The following AIRE variants were observed in gnomAD, a reference collection of about 807,000 sequenced individuals.
AIRE encodes autoimmune polyendocrinopathy candidiasis ectodermal dystrophy protein.
A neutral mutation model predicts 62.1 loss-of-function variants in AIRE; 52 were observed. That is an observed-to-expected ratio of 0.84 (90% confidence interval 0.67 to 1.06). The LOEUF (loss-of-function observed/expected upper bound fraction) is 1.06. Ranked by LOEUF, AIRE falls within the 50% of genes least tolerant of loss-of-function variation. The pLI, the probability that AIRE is intolerant of heterozygous loss-of-function variation, is 0.00. For synonymous variants in AIRE, 342 were observed against 321.6 expected, an observed-to-expected ratio of 1.06 and a Z score of -0.68; for missense variants, 774 against 755.8, an observed-to-expected ratio of 1.02 and a Z score of -0.28.
At chr21:44,294,018 C>G in intron 11 of AIRE, 108 bp downstream of exon 11, 1 of 1,403,748 alleles carries the variant, frequency 7.1e-7, no homozygotes, top group Non-Finnish European at 9.6e-7. Context: ...CCCACCCACA[C>G]CCCACACTCC....
rs933150 is a variant in AIRE, at chr21:44,292,705, G to A, written c.1096-288G>A. Among the ~76,000 whole-genome samples, 45,131 of 152,064 alleles carry A rather than the reference G, an allele frequency of 0.3. 6,821 individuals are homozygous for A. Among genetic ancestry groups the A allele is most frequent in the Admixed American group, 0.33 (5,071 of 15,300 alleles). On this transcript the variant is annotated intron_variant, in intron 9 of 13. Transcript: ENST00000291582. Reference sequence around the variant, plus strand: ...TGTTCCTTGTTCTGCTGCTGTGAGGGTAGTAGGTCTACTGTGCACAGACCC... The same window carrying A: ...TGTTCCTTGTTCTGCTGCTGTGAGGATAGTAGGTCTACTGTGCACAGACCC...
Position 44,292,850 on chromosome 21 carries a change from C to T in AIRE, c.1096-143C>T, listed in dbSNP as rs2040556814. ...TCCCACTCAGTGTGGACGCCTTCCA[C>T]CATGCCAGCCCTCCGCCCCCACCAT... On this transcript the variant is annotated intron_variant, in intron 9 of 13. Coordinates refer to ENST00000291582, the MANE Select transcript of AIRE (RefSeq NM_000383.4). The T allele has an allele frequency of 5.7e-6, 4 of 700,280 alleles. No homozygotes were observed. In the African/African-American group the frequency reaches 7.0e-5, roughly 12 times the overall value. The allele number at this position is 700,280 out of a possible 1,614,324, so 43.4% of individuals were successfully genotyped here. A position where few individuals can be genotyped will look rare whatever the true frequency, so the allele number is the denominator to read the frequency against.
chr21:44,286,150 G>T lies in AIRE; in HGVS notation c.132+12G>T. ...AGGACAAGTTTCAGGTGGGCTCCCCGCCCGCCCCCCGCTGCCCCCAGGCCC... is the reference window on the plus strand; with the variant it reads ...AGGACAAGTTTCAGGTGGGCTCCCCTCCCGCCCCCCGCTGCCCCCAGGCCC... On this transcript the variant is annotated intron_variant, in intron 1 of 13. Coordinates refer to ENST00000291582, the MANE Select transcript of AIRE (RefSeq NM_000383.4). This position sits in a 1 kb window ranked among gnomAD's most constrained non-coding sequence, Gnocchi z 6.0. The T allele has an allele frequency of 8.5e-7, 1 of 1,177,132 alleles. No homozygotes were observed. The highest frequency in any genetic ancestry group is 1.2e-6 in the Non-Finnish European group (1 of 852,222). The allele number at this position is 1,177,132 out of a possible 1,614,324, so 72.9% of individuals were successfully genotyped here. A position where few individuals can be genotyped will look rare whatever the true frequency, so the allele number is the denominator to read the frequency against.
rs758813866 is a variant in AIRE at position 44,297,758 on chromosome 21, G to A, written c.*31G>A. On this transcript the variant is annotated 3_prime_UTR_variant, in exon 14 of 14. Coordinates refer to ENST00000291582, the MANE Select transcript of AIRE (RefSeq NM_000383.4). This position sits in a 1 kb window ranked among gnomAD's most constrained non-coding sequence, Gnocchi z 4.8. Reference sequence around the variant, plus strand: ...GATGGCCGGGACATGCAGCTCTGATGAGAGAGTGCTGAGAAGGACACCTCC... The same window carrying A: ...GATGGCCGGGACATGCAGCTCTGATAAGAGAGTGCTGAGAAGGACACCTCC... The A allele has an allele frequency of 2.0e-5, 32 of 1,588,196 alleles. No homozygotes were observed. The highest frequency in any genetic ancestry group is 2.7e-5 in the Non-Finnish European group (31 of 1,158,506).
intron 13 of AIRE, among the ~76,000 whole-genome samples, 176 bp downstream of exon 13, chr21:44,296,621 C>T (rs538764574): frequency 4.4e-4 from 67 of 150,930 alleles, no homozygotes; most frequent in South Asian, 4.4e-3. Flanking sequence ...GCACCTGGCA[C>T]CCCCCACAGG....
Position 44,285,882 on chromosome 21 carries a change from A to T in AIRE, c.-125A>T. 1 of 973,158 alleles carries T rather than the reference A, an allele frequency of 1.0e-6. No individual in the cohort carries two copies. Among genetic ancestry groups the T allele is most frequent in the Non-Finnish European group, 1.4e-6 (1 of 719,710 alleles). 60.3% of individuals were successfully genotyped at this position (973,158 alleles called of 1,614,324 possible). A position where few individuals can be genotyped will look rare whatever the true frequency, so the allele number is the denominator to read the frequency against. On this transcript the variant is annotated 5_prime_UTR_variant, in exon 1 of 14. Coordinates refer to ENST00000291582, the MANE Select transcript of AIRE (RefSeq NM_000383.4). ...CGCGCGTGGCTCGCAGACCGGGGAG[A>T]CGGGCGGGCGCACAGCCGGCGCGGA... is the stretch of plus-strand genomic sequence containing the variant.
In AIRE at chr21:44,286,551, C is replaced by T. The variant is rs1235395731; in HGVS notation, c.133-6C>T. 4 of 1,607,208 alleles carry T rather than the reference C, an allele frequency of 2.5e-6. No homozygotes were observed. Among genetic ancestry groups the T allele is most frequent in the South Asian group, 1.1e-5 (1 of 90,916 alleles). On this transcript the variant is annotated splice_region_variant and splice_polypyrimidine_tract_variant and intron_variant, in intron 1 of 13. Coordinates refer to ENST00000291582, the MANE Select transcript of AIRE (RefSeq NM_000383.4). This position sits in a 1 kb window ranked among gnomAD's most constrained non-coding sequence, Gnocchi z 6.0. ...TGGCAGGGACCCTCATGCCACCCCA[C>T]TGCAGGAGACGCTTCATCTGAAGGA...
chr21:44,293,752 G>A lies in AIRE; in HGVS notation c.1279-37G>A, dbSNP rs145386437. ...GTTCGGGTTCAGCTACATTTCCCCC[G>A]GCCCCCCGCGTCACCCCGCGCTGTT... is the stretch of plus-strand genomic sequence containing the variant. On this transcript the variant is annotated intron_variant, in intron 10 of 13. Coordinates refer to ENST00000291582, the MANE Select transcript of AIRE (RefSeq NM_000383.4). 1.7e-3 allele frequency: 2,648 copies of A among 1,594,956 alleles called. 14 individuals are homozygous for A. In the African/African-American group the frequency reaches 0.019, roughly 11 times the overall value.
At chr21:44,290,231 T>C (rs1365580132) in intron 7 of AIRE, 163 bp downstream of exon 7, 3 of 984,298 alleles carry the variant, frequency 3.0e-6, no homozygotes, top group Non-Finnish European at 3.6e-6. Flanking sequence ...ATTTTTTTCC[T>C]GATAATACGC....
In AIRE at chr21:44,291,175, G is replaced by T; in HGVS notation, c.960G>T (p.Leu320=). Residue 320 remains leucine, a synonymous_variant, in exon 8 of 14, where the codon CTG becomes CTT. Transcript: ENST00000291582. The part of the protein sequence containing the change: ...CCDGCPRAFH[L]ACLSPPLREI... ...ACGGCTGCCCTCGGGCCTTCCACCT[G>T]GCCTGCCTGTCCCCTCCGCTCCGGG... 1 of 1,607,170 alleles carries T rather than the reference G, an allele frequency of 6.2e-7. No individual in the cohort carries two copies. Among genetic ancestry groups the T allele is most frequent in the Non-Finnish European group, 8.5e-7 (1 of 1,179,736 alleles).
At chr21:44,296,650 G>A (rs1386465945) in intron 13 of AIRE, among the ~76,000 whole-genome samples, 1 of 63,402 alleles carries the variant, frequency 1.6e-5, no homozygotes, top group Non-Finnish European at 3.4e-5. Flanking sequence ...TAGCCCCCTT[G>A]CAGGAGCCCC....
chr21:44,296,165 GGGCCGTGGGCAGCT>G (rs998166248), intron 12 of AIRE, among the ~76,000 whole-genome samples: 2 of 152,118 alleles, frequency 1.3e-5, no homozygotes, highest in Non-Finnish European at 2.9e-5. Context: ...GGCTGTCTGG[GGGCCGTGGGCAGCT>G]GGCCGTGGGC....
chr21:44,291,293 C>A lies in AIRE; in HGVS notation c.995+83C>A. 2.6e-6 allele frequency: 4 copies of A among 1,541,594 alleles called. No individual in the cohort carries two copies. In the South Asian group the frequency reaches 4.6e-5, roughly 18 times the overall value. ...CCACTGACCCTGAAGGGAAGCCACC[C>A]CAAGCCTCTCCCATCCAAGATGGAA... On this transcript the variant is annotated intron_variant, in intron 8 of 13. Coordinates refer to ENST00000291582, the MANE Select transcript of AIRE (RefSeq NM_000383.4).
Position 44,287,520 on chromosome 21 carries a change from C to T in AIRE, c.467C>T (p.Ser156Phe). Reference sequence around the variant, plus strand: ...TGCCCCCAGCTCCCCCATTCAGGCTCTCAACTGAAGGCCAAGCCCCCCAAG... The same window carrying T: ...TGCCCCCAGCTCCCCCATTCAGGCTTTCAACTGAAGGCCAAGCCCCCCAAG... ...LTPRGTASPGSQLKAKPPKKP... is the reference protein window; with the variant it reads ...LTPRGTASPGFQLKAKPPKKP... The change falls in exon 4 of 14, where the codon TCT becomes TTT. Residue 156 changes from serine (S) to phenylalanine (F), a missense_variant. By Grantham distance (155) the Ser-to-Phe change is radical. Around this residue, in one of 3 missense-constraint regions of AIRE, gnomAD observed 385 missense variants for 396.0 expected, o/e 0.97. Coordinates refer to ENST00000291582, the MANE Select transcript of AIRE (RefSeq NM_000383.4). The surrounding 1 kb of genome is among the most constrained non-coding windows in gnomAD (Gnocchi z 4.3). The T allele has an allele frequency of 6.4e-7, 1 of 1,553,874 alleles. No homozygotes were observed. Among genetic ancestry groups the T allele is most frequent in the Non-Finnish European group, 8.7e-7 (1 of 1,148,794 alleles).
chr21:44,290,371 C>G, intron 7 of AIRE: 1 of 985,422 alleles, frequency 1.0e-6, no homozygotes, highest in East Asian at 1.1e-4. Flanking sequence ...CCTGCTATAG[C>G]CAGGAGGTCA....
At position 44,287,358 on chromosome 21, in the gene AIRE, G is replaced by A; in HGVS notation, c.464-159G>A. 1 of 716,620 alleles carries A rather than the reference G, an allele frequency of 1.4e-6. No homozygotes were observed. Among genetic ancestry groups the A allele is most frequent in the Non-Finnish European group, 2.4e-6 (1 of 422,978 alleles). The allele number at this position is 716,620 out of a possible 1,614,324, so 44.4% of individuals were successfully genotyped here. On this transcript the variant is annotated intron_variant, in intron 3 of 13. Coordinates refer to ENST00000291582, the MANE Select transcript of AIRE (RefSeq NM_000383.4). The surrounding 1 kb of genome is among the most constrained non-coding windows in gnomAD (Gnocchi z 4.3). ...CCGGAGCTGGTGAAGTAGGCGGGCG[G>A]GTCTCATTTCCCTTTTACTGATGAG...
rs1568928007 is a variant in AIRE, at chr21:44,290,031, C to T, written c.842C>T (p.Ala281Val). Residue 281 changes from alanine to valine, a missense_variant, in exon 7 of 14, where the codon GCC becomes GTC. Physicochemically the swap from Ala to Val is moderately conservative, Grantham distance 64. This residue lies in a region of AIRE where 385 missense variants were observed against 396.0 expected (regional missense o/e 0.97). Transcript: ENST00000291582. The stretch of plus-strand genomic sequence containing the variant: ...CTGGGCCAGCAGGGCAGCGTTCCCG[C>T]CCCTCTGGCCCTCCCCAGTGACCCC... ...ARLGQQGSVPAPLALPSDPQL... is the reference protein window; with the variant it reads ...ARLGQQGSVPVPLALPSDPQL... The T allele has an allele frequency of 6.2e-7, 1 of 1,611,882 alleles. No homozygotes were observed. The highest frequency in any genetic ancestry group is 8.5e-7 in the Non-Finnish European group (1 of 1,179,688).
At chr21:44,290,889 C>A (rs1243284630) in intron 7 of AIRE, 13 of 1,609,002 alleles carry the variant, frequency 8.1e-6, no homozygotes, top group Non-Finnish European at 1.0e-5. Context: ...GGGATGGCCC[C>A]GGGGGGTGTC....
At chr21:44,292,475 C>T (rs375815114) in intron 9 of AIRE, 74 bp downstream of exon 9, 3 of 189,026 alleles carry the variant, frequency 1.6e-5, no homozygotes, top group East Asian at 3.6e-4. Flanking sequence ...GGCTGGGCCA[C>T]CCCCTCCTGT....
Sources: gnomAD v4.1 joint callset for allele counts (sites outside exome capture counted in the v4.1 genomes callset) on GRCh38, gnomAD v4.1.1 for gene constraint, gnomAD v4.1.1 regional missense constraint, Gnocchi (gnomAD v3.1) non-coding constraint, MANE v1.5 for transcripts, NCBI Gene and HGNC (gene_info 2026-07-23, HGNC 2026-07-21) for gene names.